The following HS6ST3 variants were observed in gnomAD, a reference collection of about 807,000 sequenced individuals.
HS6ST3 encodes the protein heparan sulfate 6-O-sulfotransferase 3.
A neutral mutation model predicts 36.7 loss-of-function variants in HS6ST3; 12 were observed. That is an observed-to-expected ratio of 0.33 (90% CI 0.21 to 0.53). The LOEUF (loss-of-function observed/expected upper bound fraction) is 0.53, where lower values mean the gene tolerates loss of function less well. Ranked by LOEUF, HS6ST3 falls within the 20% of genes least tolerant of loss-of-function variation. HS6ST3 has a pLI of 0.95. For synonymous variants in HS6ST3, 240 were observed against 257.5 expected, an observed-to-expected ratio of 0.93 and a Z score of 0.65; for missense variants, 584 against 640.9, an observed-to-expected ratio of 0.91 and a Z score of 0.96.
chr13:96,520,461 A>G (rs2056088655), intron 1 of HS6ST3, among the ~76,000 whole-genome samples: 1 of 152,212 alleles, frequency 6.6e-6, no homozygotes, highest in Non-Finnish European at 1.5e-5. Context: ...GGCCATTTTC[A>G]TGATATTGAT....
chr13:96,316,435 C>T (rs2054970513), intron 1 of HS6ST3, among the ~76,000 whole-genome samples: 1 of 152,148 alleles, frequency 6.6e-6, no homozygotes, highest in African/African-American at 2.4e-5. Context: ...GCTCCATTGC[C>T]TCCCTGGGTT....
chr13:96,285,305 A>G lies in HS6ST3; in HGVS notation c.707+193736A>G, dbSNP rs2054796382. Reference sequence around the variant, plus strand: ...ACACTTCTGATCATCTTAAAGATATACTATTTAGCAATAATTTAACTTCCA... The same window carrying G: ...ACACTTCTGATCATCTTAAAGATATGCTATTTAGCAATAATTTAACTTCCA... On this transcript the variant is annotated intron_variant, in intron 1 of 1. Transcript: ENST00000376705. Among the ~76,000 whole-genome samples the G allele has an allele frequency of 2.0e-5, 3 of 152,186 alleles. No homozygotes were observed. The South Asian group carries it at 6.2e-4, about 31-fold the overall frequency.
chr13:96,254,543 A>G lies in HS6ST3; in HGVS notation c.707+162974A>G, dbSNP rs974287038. ...CACTTTTTTCTTTTCACACTTACAT[A>G]GTGGACATCCCTGCTTATCAGTGCC... On this transcript the variant is annotated intron_variant, in intron 1 of 1. Coordinates refer to ENST00000376705, the MANE Select transcript of HS6ST3 (RefSeq NM_153456.4). Among the ~76,000 whole-genome samples the G allele has an allele frequency of 1.5e-5, 2 of 130,614 alleles. 1 individual carries two copies. The highest frequency in any genetic ancestry group is 5.2e-4 in the South Asian group (2 of 3,862). The allele number at this position is 130,614 out of a possible 152,430, so 85.7% of individuals were successfully genotyped here. A position where few individuals can be genotyped will look rare whatever the true frequency, so the allele number is the denominator to read the frequency against.
intron 1 of HS6ST3, among the ~76,000 whole-genome samples, chr13:96,581,505 A>G (rs1277058701): frequency 6.6e-6 from 1 of 152,054 alleles, no homozygotes; most frequent in Non-Finnish European, 1.5e-5. Context: ...TACAGGTATG[A>G]GCCACCGCGC....
chr13:96,635,504 T>C (rs563157480), intron 1 of HS6ST3, among the ~76,000 whole-genome samples: 3 of 152,278 alleles, frequency 2.0e-5, no homozygotes, highest in African/African-American at 7.2e-5. Context: ...TCTGACAGTC[T>C]TCTCCCAATA....
intron 1 of HS6ST3, among the ~76,000 whole-genome samples, chr13:96,756,397 T>C (rs1876832490): frequency 6.6e-6 from 1 of 152,192 alleles, no homozygotes; most frequent in African/African-American, 2.4e-5. Context: ...TTATACTTAG[T>C]GTCTCTTGAA....
At chr13:96,339,035 ATGT>A (rs778725812) in intron 1 of HS6ST3, among the ~76,000 whole-genome samples, 3 of 152,062 alleles carry the variant, frequency 2.0e-5, no homozygotes, top group Non-Finnish European at 4.4e-5. Flanking sequence ...TGGGATATAG[ATGT>A]TGTGCTTACC....
intron 1 of HS6ST3, among the ~76,000 whole-genome samples, chr13:96,474,706 A>G (rs999008761): frequency 3.9e-5 from 6 of 152,196 alleles, no homozygotes; most frequent in Admixed American, 2.0e-4. Flanking sequence ...AGCCCAGAAA[A>G]AACGACCTCT....
intron 1 of HS6ST3, among the ~76,000 whole-genome samples, chr13:96,254,464 T>C (rs1369261498): frequency 1.7e-3 from 8 of 4,660 alleles, no homozygotes; most frequent in South Asian, 0.022. Context: ...TATATATATA[T>C]ATATATATAT....
intron 1 of HS6ST3, among the ~76,000 whole-genome samples, chr13:96,625,720 ATATT>A (rs1220728438): frequency 3.3e-5 from 5 of 151,960 alleles, no homozygotes; most frequent in African/African-American, 7.2e-5. Context: ...TTCTTATTAA[ATATT>A]TATATATTGT....
chr13:96,178,052 A>G (rs994431699), intron 1 of HS6ST3, among the ~76,000 whole-genome samples: 7 of 152,094 alleles, frequency 4.6e-5, no homozygotes, highest in Admixed American at 1.3e-4. Context: ...GAGATGTATA[A>G]CTATATGTTT....
Position 96,459,100 on chromosome 13 carries a change from T to TAAAAAAAAAAAAAAAAAAAAAAAAA in HS6ST3, c.707+367532_707+367556dup, listed in dbSNP as rs747439262. Among the ~76,000 whole-genome samples the TAAAAAAAAAAAAAAAAAAAAAAAAA allele has an allele frequency of 3.4e-4, 22 of 63,876 alleles. 2 individuals are homozygous for TAAAAAAAAAAAAAAAAAAAAAAAAA. Among genetic ancestry groups the TAAAAAAAAAAAAAAAAAAAAAAAAA allele is most frequent in the South Asian group, 1.7e-3 (3 of 1,734 alleles). The allele number at this position is 63,876 out of a possible 152,430, so 41.9% of individuals were successfully genotyped here. A position where few individuals can be genotyped will look rare whatever the true frequency, so the allele number is the denominator to read the frequency against. On this transcript the variant is annotated intron_variant, in intron 1 of 1. Coordinates refer to ENST00000376705, the MANE Select transcript of HS6ST3 (RefSeq NM_153456.4). ...GCCTGGGCGACAGAGCAAGACTGTC[T>TAAAAAAAAAAAAAAAAAAAAAAAAA]AAAAAAAAAAAAAAAAAAAAAAAAA...
intron 1 of HS6ST3, among the ~76,000 whole-genome samples, chr13:96,463,419 G>A (rs571835003): frequency 1.3e-5 from 2 of 152,202 alleles, no homozygotes; most frequent in South Asian, 4.1e-4. Context: ...GTGAAATTGG[G>A]TGCCTGCCTC....
intron 1 of HS6ST3, among the ~76,000 whole-genome samples, chr13:96,480,360 C>T (rs762593920): frequency 1.2e-4 from 18 of 152,018 alleles, no homozygotes; most frequent in African/African-American, 4.1e-4. Context: ...GTGATCTGCC[C>T]GCCTCGACCT....
chr13:96,736,774 A>G (rs1045225344), intron 1 of HS6ST3, among the ~76,000 whole-genome samples: 5 of 152,238 alleles, frequency 3.3e-5, no homozygotes, highest in Non-Finnish European at 7.3e-5. Context: ...TTCAATGAAA[A>G]TAGAAATTGC....
intron 1 of HS6ST3, among the ~76,000 whole-genome samples, chr13:96,450,018 C>T (rs2055719898): frequency 6.6e-6 from 1 of 152,086 alleles, no homozygotes; most frequent in South Asian, 2.1e-4. Context: ...AAGAGCAGCC[C>T]CAGGTTGGAC....
At chr13:96,286,731 C>T (rs991773201) in intron 1 of HS6ST3, among the ~76,000 whole-genome samples, 1 of 152,098 alleles carries the variant, frequency 6.6e-6, no homozygotes, top group African/African-American at 2.4e-5. Flanking sequence ...CTGTGCTTGG[C>T]TCTGTTACCC....
At chr13:96,573,478 G>T (rs967350433) in intron 1 of HS6ST3, among the ~76,000 whole-genome samples, 1 of 152,178 alleles carries the variant, frequency 6.6e-6, no homozygotes, top group African/African-American at 2.4e-5. Flanking sequence ...CAAGAGAAAA[G>T]ATACAGGAAG....
chr13:96,430,808 C>T (rs2055611483), intron 1 of HS6ST3, among the ~76,000 whole-genome samples: 1 of 152,208 alleles, frequency 6.6e-6, no homozygotes, highest in Non-Finnish European at 1.5e-5. Context: ...CCCCACTTGA[C>T]CACAGGGACT....
Sources: allele counts gnomAD v4.1 joint callset (sites outside exome capture counted in the v4.1 genomes callset), GRCh38; gene constraint gnomAD v4.1.1; transcripts MANE v1.5; gene names NCBI Gene and HGNC (gene_info 2026-07-23, HGNC 2026-07-21).